Variants in HCRTR2 observed in about 807,000 individuals in gnomAD.
HCRTR2 encodes the protein orexin receptor type 2.
HCRTR2 carries 22 observed loss-of-function variants against 49.0 expected under a neutral mutation model. That is an observed-to-expected ratio of 0.45 (90% CI 0.32 to 0.64). The LOEUF is 0.64. Among genes scored for constraint, HCRTR2 ranks in the 30% least tolerant of loss-of-function variants. The pLI is 0.04. For synonymous variants in HCRTR2, 236 were observed against 205.3 expected, an observed-to-expected ratio of 1.15 and a Z score of -1.28; for missense variants, 491 against 559.4, an observed-to-expected ratio of 0.88 and a Z score of 1.23.
chr6:55,210,536 C>T (rs967268694), intron 1 of HCRTR2, among the ~76,000 whole-genome samples: 1 of 152,056 alleles, frequency 6.6e-6, no homozygotes, highest in South Asian at 2.1e-4. Flanking sequence ...TAGAATAAGA[C>T]CCACTGTTGC....
chr6:55,181,544 T>C (rs1391766805), intron 1 of HCRTR2, among the ~76,000 whole-genome samples: 5 of 152,236 alleles, frequency 3.3e-5, no homozygotes, highest in African/African-American at 9.6e-5. Context: ...CAATGTTTAA[T>C]ATTTATATAG....
chr6:55,218,901 G>T lies in HCRTR2; in HGVS notation c.224-29738G>T, dbSNP rs1030460759. 4.6e-5 allele frequency among the ~76,000 whole-genome samples: 7 copies of T among 152,264 alleles called. 1 individual carries two copies. The highest frequency in any genetic ancestry group is 2.6e-4 in the Admixed American group (4 of 15,300). On this transcript the variant is annotated intron_variant, in intron 1 of 6. Coordinates refer to ENST00000370862, the MANE Select transcript of HCRTR2 (RefSeq NM_001384272.1). ...GGCAATGGTACAATCTCAGCTCACT[G>T]CAATCTCCACTTCCCAGACTCAAGT...
intron 1 of HCRTR2, among the ~76,000 whole-genome samples, chr6:55,116,164 T>A (rs945310325): frequency 9.9e-5 from 15 of 151,682 alleles, no homozygotes; most frequent in African/African-American, 3.6e-4. Context: ...TTGAGAAGTT[T>A]TCCTCATCTG....
At chr6:55,136,873 C>T (rs915918907) in intron 1 of HCRTR2, among the ~76,000 whole-genome samples, 4 of 152,164 alleles carry the variant, frequency 2.6e-5, no homozygotes, top group Admixed American at 6.6e-5. Context: ...GCTGAAGGAG[C>T]TTCTCCACCT....
chr6:55,200,686 ATATTTGG>A (rs1250739489), intron 1 of HCRTR2, among the ~76,000 whole-genome samples: 1 of 152,042 alleles, frequency 6.6e-6, no homozygotes, highest in Non-Finnish European at 1.5e-5. Flanking sequence ...CTAATTTTTG[ATATTTGG>A]TATTCATGAC....
At chr6:55,141,070 C>T (rs1005208787) in intron 1 of HCRTR2, among the ~76,000 whole-genome samples, 6 of 151,878 alleles carry the variant, frequency 4.0e-5, no homozygotes, top group Non-Finnish European at 7.4e-5. Flanking sequence ...TGCGACGGCT[C>T]ATGCCTGTAA....
intron 1 of HCRTR2, among the ~76,000 whole-genome samples, chr6:55,126,979 A>G (rs1034805149): frequency 6.6e-6 from 1 of 152,054 alleles, no homozygotes; most frequent in South Asian, 2.1e-4. Flanking sequence ...AAGAATTTCA[A>G]TTCAGTGGAT....
At chr6:55,238,010 C>T (rs947578439) in intron 1 of HCRTR2, among the ~76,000 whole-genome samples, 7 of 152,012 alleles carry the variant, frequency 4.6e-5, no homozygotes, top group Non-Finnish European at 8.8e-5. Flanking sequence ...CTGATGAATC[C>T]CAAATATTTA....
At chr6:55,233,328 T>A (rs1192926323) in intron 1 of HCRTR2, among the ~76,000 whole-genome samples, 1 of 151,916 alleles carries the variant, frequency 6.6e-6, no homozygotes, top group African/African-American at 2.4e-5. Flanking sequence ...TGACCTCAGG[T>A]GATCCACCCA....
At position 55,145,345 on chromosome 6, in the gene HCRTR2, G is replaced by A. The variant is rs545336125; in HGVS notation, c.-377-28866G>A. ...CTCATTCCACGTATCCACGGAAGAT[G>A]TCCTGGCTCTCTAATGAGGCATACA... On this transcript the variant is annotated intron_variant, in intron 1 of 7. Transcript: ENST00000615358. Among the ~76,000 whole-genome samples, 13 of 151,216 alleles carry A rather than the reference G, an allele frequency of 8.6e-5. No homozygotes were observed. The South Asian group carries it at 2.7e-3, about 32-fold the overall frequency.
chr6:55,139,307 T>C (rs1194611342), intron 1 of HCRTR2, among the ~76,000 whole-genome samples: 1 of 152,180 alleles, frequency 6.6e-6, no homozygotes, highest in Non-Finnish European at 1.5e-5. Context: ...CTACACTTGC[T>C]GCAGCCTAAA....
At chr6:55,162,731 A>G (rs1374811159) in intron 1 of HCRTR2, among the ~76,000 whole-genome samples, 1 of 151,650 alleles carries the variant, frequency 6.6e-6, no homozygotes, top group Non-Finnish European at 1.5e-5. Flanking sequence ...GTGAACTCCC[A>G]TTCAAAATAC....
At chr6:55,183,961 T>C (rs959863153) in intron 1 of HCRTR2, among the ~76,000 whole-genome samples, 3 of 152,116 alleles carry the variant, frequency 2.0e-5, no homozygotes, top group Admixed American at 1.3e-4. Context: ...AAAGTCTCAC[T>C]CTGTTGCCCA....
chr6:55,137,858 T>C (rs1764453757), intron 1 of HCRTR2, among the ~76,000 whole-genome samples: 1 of 152,212 alleles, frequency 6.6e-6, no homozygotes, highest in Non-Finnish European at 1.5e-5. Context: ...TTATTGGAAA[T>C]GTTTGAGGTT....
At chr6:55,136,754 C>T (rs1764439890) in intron 1 of HCRTR2, among the ~76,000 whole-genome samples, 1 of 152,252 alleles carries the variant, frequency 6.6e-6, no homozygotes, top group African/African-American at 2.4e-5. Context: ...TAAGCAGTAA[C>T]AGAGTAACCA....
chr6:55,140,338 T>G (rs1764490578), intron 1 of HCRTR2, among the ~76,000 whole-genome samples: 1 of 152,192 alleles, frequency 6.6e-6, no homozygotes, highest in African/African-American at 2.4e-5. Flanking sequence ...CTTGTGAGTT[T>G]TAGTCTATTA....
intron 1 of HCRTR2, among the ~76,000 whole-genome samples, chr6:55,225,005 G>GT (rs913211733): frequency 6.6e-6 from 1 of 152,084 alleles, no homozygotes; most frequent in African/African-American, 2.4e-5. Context: ...GATTTTAAGT[G>GT]TTTTTGACAC....
intron 1 of HCRTR2, among the ~76,000 whole-genome samples, chr6:55,151,090 C>A (rs561453007): frequency 6.6e-6 from 1 of 152,102 alleles, no homozygotes; most frequent in East Asian, 1.9e-4. Context: ...GAATTATAAT[C>A]TTTTTTGCAG....
chr6:55,227,878 G>A (rs934397597), intron 1 of HCRTR2, among the ~76,000 whole-genome samples: 1 of 152,142 alleles, frequency 6.6e-6, no homozygotes, highest in Non-Finnish European at 1.5e-5. Context: ...TAGTAACATA[G>A]GAAGAGAAAT....
Sources: allele counts gnomAD v4.1 joint callset (sites outside exome capture counted in the v4.1 genomes callset), GRCh38; gene constraint gnomAD v4.1.1; transcripts MANE v1.5; gene names NCBI Gene and HGNC (gene_info 2026-07-23, HGNC 2026-07-21).